The following MYO5A variants were observed in gnomAD, a reference collection of about 807,000 sequenced individuals.
MYO5A encodes the protein myosin VA, also known as unconventional myosin-Va.
A neutral mutation model predicts 249.7 loss-of-function variants in MYO5A; 98 were observed. The ratio of observed to expected loss-of-function variants is 0.39; its 90% CI spans 0.33 to 0.46. The LOEUF (loss-of-function observed/expected upper bound fraction) is 0.46, where lower values mean the gene tolerates loss of function less well. Among genes scored for constraint, MYO5A ranks in the 20% least tolerant of loss-of-function variants. The pLI, the probability that MYO5A is intolerant of heterozygous loss-of-function variation, is 0.98. For missense variants in MYO5A, 1,696 were observed against 2,308.8 expected (o/e 0.73, Z 5.44); for synonymous variants, 778 against 810.6 (o/e 0.96, Z 0.68).
At chr15:52,366,939 TA>T (rs2040841903) in intron 23 of MYO5A, 91 bp downstream of exon 23, 1 of 1,094,892 alleles carries the variant, frequency 9.1e-7, no homozygotes, top group Non-Finnish European at 1.4e-6. Flanking sequence ...ATTTAAATTC[TA>T]AATAATGTTG....
At chr15:52,380,754 G>A (rs1037911235) in intron 16 of MYO5A, among the ~76,000 whole-genome samples, 5 of 152,166 alleles carry the variant, frequency 3.3e-5, no homozygotes, top group African/African-American at 9.7e-5. Context: ...GTGACAGGGC[G>A]AGACTCCGTC....
At chr15:52,443,707 CA>C (rs72495071) in intron 1 of MYO5A, among the ~76,000 whole-genome samples, 338 of 82,134 alleles carry the variant, frequency 4.1e-3, no homozygotes, top group African/African-American at 5.6e-3. Flanking sequence ...GACTCCATCT[CA>C]AAAAAAAAAA....
intron 1 of MYO5A, among the ~76,000 whole-genome samples, chr15:52,457,001 G>A (rs2076132265): frequency 6.6e-6 from 1 of 152,136 alleles, no homozygotes; most frequent in African/African-American, 2.4e-5. Flanking sequence ...CAAAGAAAAC[G>A]ATTAACAGAG....
intron 12 of MYO5A, among the ~76,000 whole-genome samples, chr15:52,391,019 T>C (rs970993860): frequency 1.3e-5 from 2 of 152,200 alleles, no homozygotes; most frequent in Non-Finnish European, 2.9e-5. Context: ...CACAGTTTTC[T>C]TCTTATATGT....
At chr15:52,378,529 A>AAAAAAAAAAAAAAAAAAAG (rs1476819491) in intron 18 of MYO5A, among the ~76,000 whole-genome samples, 2 of 142,224 alleles carry the variant, frequency 1.4e-5, no homozygotes, top group Non-Finnish European at 3.1e-5. Context: ...AAAAAAAAAA[A>AAAAAAAAAAAAAAAAAAAG]AAGAAGGGAA....
intron 1 of MYO5A, among the ~76,000 whole-genome samples, chr15:52,504,054 C>CTCCTTTT (rs1555386579): frequency 2.9e-4 from 36 of 122,934 alleles, no homozygotes; most frequent in African/African-American, 6.4e-4. Flanking sequence ...GTTTCTCCTT[C>CTCCTTTT]TTTTTTTTTT....
chr15:52,438,567 A>G (rs1285918349), intron 1 of MYO5A, among the ~76,000 whole-genome samples: 1 of 152,198 alleles, frequency 6.6e-6, no homozygotes, highest in Non-Finnish European at 1.5e-5. Context: ...GACCACGTCC[A>G]CCTTTAAAGA....
At chr15:52,522,000 T>A (rs1448997617) in intron 1 of MYO5A, among the ~76,000 whole-genome samples, 1 of 152,202 alleles carries the variant, frequency 6.6e-6, no homozygotes, top group Non-Finnish European at 1.5e-5. Context: ...AAACTCCTTT[T>A]ATATCCACTT....
At position 52,310,905 on chromosome 15, in the gene MYO5A, A is replaced by G. The variant is rs938585403; in HGVS notation, c.*2791T>C. ...CCTTGGGGTTCCCTGGTTACAAGGT[A>G]TTCTTGTCAATGACTAAAAATCTCC... On this transcript the variant is annotated 3_prime_UTR_variant, in exon 42 of 42. Coordinates refer to ENST00000399233, the MANE Select transcript of MYO5A (RefSeq NM_001382347.1). The G allele has an allele frequency of 5.9e-5, 9 of 152,352 alleles. No homozygotes were observed. Among genetic ancestry groups the G allele is most frequent in the Admixed American group, 1.3e-4 (2 of 15,306 alleles). The allele number at this position is 152,352 out of a possible 1,614,324, so 9.4% of individuals were successfully genotyped here. A position where few individuals can be genotyped will look rare whatever the true frequency, so the allele number is the denominator to read the frequency against.
intron 1 of MYO5A, among the ~76,000 whole-genome samples, chr15:52,489,135 T>C (rs1009636628): frequency 3.9e-5 from 6 of 152,138 alleles, no homozygotes; most frequent in Non-Finnish European, 7.4e-5. Flanking sequence ...AAGACCTAAA[T>C]GTTAAGAGCT....
intron 14 of MYO5A, 97 bp from the exon 15 acceptor site, chr15:52,384,419 A>G: frequency 2.4e-6 from 3 of 1,242,888 alleles, no homozygotes; most frequent in Non-Finnish European, 2.3e-6. Context: ...TCCTTAAGTA[A>G]TCACTGTCAG....
chr15:52,370,778 T>C (rs2041063941), intron 21 of MYO5A, among the ~76,000 whole-genome samples: 1 of 152,194 alleles, frequency 6.6e-6, no homozygotes, highest in Non-Finnish European at 1.5e-5. Context: ...AAAAACCATT[T>C]ACTAGCTTAG....
intron 18 of MYO5A, among the ~76,000 whole-genome samples, chr15:52,378,418 G>C (rs568221030): frequency 1.1e-4 from 16 of 149,518 alleles, no homozygotes; most frequent in Admixed American, 1.4e-4. Context: ...CTACTGGGGG[G>C]GCTGAGGTAG....
chr15:52,440,823 C>T (rs879430117), intron 1 of MYO5A, among the ~76,000 whole-genome samples: 18 of 152,210 alleles, frequency 1.2e-4, no homozygotes, highest in Non-Finnish European at 1.3e-4. Flanking sequence ...CTCTTCTCCC[C>T]CTAACTCCCA....
intron 1 of MYO5A, among the ~76,000 whole-genome samples, chr15:52,516,225 T>C (rs1017743227): frequency 2.0e-5 from 3 of 152,182 alleles, no homozygotes; most frequent in African/African-American, 7.2e-5. Context: ...ATGTACTGCC[T>C]CGCTTTCAGG....
chr15:52,500,036 G>A (rs1286463769), intron 1 of MYO5A, among the ~76,000 whole-genome samples: 1 of 152,118 alleles, frequency 6.6e-6, no homozygotes, highest in Non-Finnish European at 1.5e-5. Context: ...GTAGGTGACA[G>A]AGGAATACTG....
chr15:52,436,272 A>C (rs1427213819), intron 1 of MYO5A, among the ~76,000 whole-genome samples: 1 of 152,228 alleles, frequency 6.6e-6, no homozygotes, highest in Non-Finnish European at 1.5e-5. Context: ...CATGTTCTAC[A>C]AGGGCCTTCA....
intron 18 of MYO5A, among the ~76,000 whole-genome samples, chr15:52,378,655 T>C (rs1478269732): frequency 1.3e-5 from 2 of 151,600 alleles, no homozygotes; most frequent in Admixed American, 6.6e-5. Flanking sequence ...TCACATTTAG[T>C]TCACAGCTAG....
At chr15:52,457,615 A>G (rs1669869) in intron 1 of MYO5A, among the ~76,000 whole-genome samples, 147,955 of 152,250 alleles carry the variant, frequency 0.97, 72,050 homozygotes, top group East Asian at 1. Flanking sequence ...AATAACAGAG[A>G]CTGTTGAGGA....
Sources: gnomAD v4.1 joint callset for allele counts (sites outside exome capture counted in the v4.1 genomes callset) on GRCh38, gnomAD v4.1.1 for gene constraint, MANE v1.5 for transcripts, NCBI Gene and HGNC (gene_info 2026-07-23, HGNC 2026-07-21) for gene names.